The following GALNT8 variants were observed in gnomAD, a reference collection of about 807,000 sequenced individuals.
The protein encoded by GALNT8 is polypeptide N-acetylgalactosaminyltransferase 8, also known as probable polypeptide N-acetylgalactosaminyltransferase 8.
In GALNT8, 66 loss-of-function variants were observed where a neutral mutation model predicts 62.7. That is an observed-to-expected ratio of 1.05 (90% CI 0.86 to 1.29). GALNT8 has a LOEUF of 1.29. Ranked by LOEUF, GALNT8 falls within the 50% of genes most tolerant of loss-of-function variation. GALNT8 has a pLI of 0.00. For synonymous variants in GALNT8, 288 were observed against 294.3 expected, an observed-to-expected ratio of 0.98 and a Z score of 0.22; for missense variants, 771 against 791.8, an observed-to-expected ratio of 0.97 and a Z score of 0.32.
chr12:4,772,254 A>T (rs761386392), intron 10 of GALNT8, among the ~76,000 whole-genome samples, 191 bp from the exon 11 acceptor site: 1 of 152,210 alleles, frequency 6.6e-6, no homozygotes, highest in Non-Finnish European at 1.5e-5. Flanking sequence ...TCAGTTTGCC[A>T]TGGGGCTGGT....
At chr12:4,772,224 G>A (rs1317596919) in intron 10 of GALNT8, among the ~76,000 whole-genome samples, 1 of 152,222 alleles carries the variant, frequency 6.6e-6, no homozygotes, top group African/African-American at 2.4e-5. Flanking sequence ...CACGAAGCCA[G>A]CGCAACATCG....
chr12:4,721,010 T>G lies in GALNT8; in HGVS notation c.211+122T>G, dbSNP rs1376515903. 3.3e-5 allele frequency: 22 copies of G among 657,738 alleles called. 1 individual carries two copies. The Admixed American group carries it at 4.0e-4, about 12-fold the overall frequency. The allele number at this position is 657,738 out of a possible 1,614,324, so 40.7% of individuals were successfully genotyped here. ...TCACATTTTCATCTCAGTCGCTCAT[T>G]GAAGCATCTGACACTGAATTCTGTG... On this transcript the variant is annotated intron_variant, in intron 1 of 10. Coordinates refer to ENST00000252318, the MANE Select transcript of GALNT8 (RefSeq NM_017417.2).
intron 3 of GALNT8, among the ~76,000 whole-genome samples, chr12:4,743,541 G>T (rs766184970): frequency 1.3e-5 from 2 of 152,146 alleles, no homozygotes; most frequent in Non-Finnish European, 2.9e-5. Flanking sequence ...CCTTGGCTAT[G>T]GGGAGAGAGG....
rs780714618 is a variant in GALNT8, at chr12:4,746,169, GC to G, written c.1085del (p.Ala362ValfsTer29). On this transcript the variant is annotated frameshift_variant, in exon 6 of 11. Transcript: ENST00000252318. LOFTEE classifies it high-confidence loss of function. The part of the protein sequence containing the change: ...VKSPSIMGIL[A>X]ANRHFLGEIG... The stretch of plus-strand genomic sequence containing the variant: ...GAGTCCTTCAATCATGGGCATCCTG[GC>G]TGCTAACAGGCACTTCCTGGGAGAG... 1 of 1,611,566 alleles carries G rather than the reference GC, an allele frequency of 6.2e-7. No individual in the cohort carries two copies. The highest frequency in any genetic ancestry group is 1.1e-5 in the South Asian group (1 of 91,012).
rs915272184 is a variant in GALNT8 at position 4,726,315 on chromosome 12, G to A, written c.212-217G>A. ...TGTGGGATGGAGGAGTTTTGATGGG[G>A]CTAAAGGGAGAGACGTATCTAGTAC... On this transcript the variant is annotated intron_variant, in intron 1 of 10. Coordinates refer to ENST00000252318, the MANE Select transcript of GALNT8 (RefSeq NM_017417.2). The surrounding 1 kb of genome is among the most constrained non-coding windows in gnomAD (Gnocchi z 4.1). 6.6e-6 allele frequency among the ~76,000 whole-genome samples: 1 copy of A among 152,164 alleles called. No homozygotes were observed. Among genetic ancestry groups the A allele is most frequent in the Non-Finnish European group, 1.5e-5 (1 of 68,034 alleles).
Position 4,739,195 on chromosome 12 carries a change from C to A in GALNT8, c.542C>A (p.Pro181Gln). The A allele has an allele frequency of 6.2e-7, 1 of 1,612,436 alleles. No individual in the cohort carries two copies. Among genetic ancestry groups the A allele is most frequent in the Non-Finnish European group, 8.5e-7 (1 of 1,178,620 alleles). ...CGGAAGACATATCCTTCCCAACTCC[C>A]ATCCCTCAGTGTCATTCTCATATTC... ...CLRKTYPSQL[P>Q]SLSVILIFVN... The change falls in exon 3 of 11, where the codon CCA (proline) becomes CAA (glutamine). Residue 181 changes from proline (P) to glutamine (Q), a missense_variant. By Grantham distance (76) the Pro-to-Gln change is moderately conservative. Coordinates refer to ENST00000252318, the MANE Select transcript of GALNT8 (RefSeq NM_017417.2).
rs1946293826 is a variant in GALNT8 at position 4,745,484 on chromosome 12, G to A, written c.916G>A (p.Val306Met). 2 of 1,613,192 alleles carry A rather than the reference G, an allele frequency of 1.2e-6. No homozygotes were observed. Among genetic ancestry groups the A allele is most frequent in the Non-Finnish European group, 1.7e-6 (2 of 1,179,138 alleles). ...GGACCGCACTGTGATTGTGTCTCCT[G>A]TGTTTGACAACATTCGTTTTGACAC... ...QEDRTVIVSP[V>M]FDNIRFDTFK... Residue 306 changes from valine (V) to methionine (M), a missense_variant, in exon 5 of 11, where the codon GTG becomes ATG. Coordinates refer to ENST00000252318, the MANE Select transcript of GALNT8 (RefSeq NM_017417.2).
intron 6 of GALNT8, among the ~76,000 whole-genome samples, chr12:4,751,766 A>G (rs1946323186): frequency 2.0e-5 from 3 of 152,280 alleles, no homozygotes; most frequent in South Asian, 2.1e-4. Context: ...TATTAGATAC[A>G]CTTTGTCTAT....
intron 9 of GALNT8, among the ~76,000 whole-genome samples, chr12:4,764,962 A>G (rs1946392262): frequency 1.3e-5 from 2 of 151,786 alleles, no homozygotes; most frequent in South Asian, 2.1e-4. Flanking sequence ...ATTTGCACTT[A>G]GTTGAAAAAA....
chr12:4,725,351 G>A (rs1427130559), intron 1 of GALNT8, among the ~76,000 whole-genome samples: 2 of 152,120 alleles, frequency 1.3e-5, no homozygotes, highest in Non-Finnish European at 2.9e-5. Flanking sequence ...GGCATCTTCT[G>A]CATAAAACAT....
intron 6 of GALNT8, among the ~76,000 whole-genome samples, chr12:4,758,773 A>G (rs1435308361): frequency 7.8e-6 from 1 of 129,006 alleles, no homozygotes; most frequent in Non-Finnish European, 1.7e-5. Context: ...CATAAACGGC[A>G]ATCTTTTTTT....
intron 5 of GALNT8, 58 bp from the exon 6 acceptor site, chr12:4,746,086 C>A: frequency 1.0e-6 from 1 of 959,712 alleles, no homozygotes; most frequent in Non-Finnish European, 1.7e-6. Context: ...TTGAGCATCC[C>A]ACCCCTCGCC....
chr12:4,765,357 T>C (rs1022890562), intron 9 of GALNT8, 22 bp from the exon 10 acceptor site: 5 of 1,227,616 alleles, frequency 4.1e-6, no homozygotes, highest in Admixed American at 3.3e-5. Context: ...CTCTGCTTTT[T>C]TTTTTTTTTT....
chr12:4,745,311 C>G (rs770790262), intron 4 of GALNT8, 118 bp from the exon 5 acceptor site: 5 of 696,294 alleles, frequency 7.2e-6, no homozygotes, highest in Admixed American at 2.0e-5. Context: ...CAACCCAGTA[C>G]AGCCTAAATG....
At chr12:4,769,924 G>A (rs1039408056) in intron 10 of GALNT8, among the ~76,000 whole-genome samples, 8 of 151,982 alleles carry the variant, frequency 5.3e-5, no homozygotes, top group African/African-American at 1.9e-4. Flanking sequence ...TAAAAAAGAA[G>A]CATCTATTAC....
intron 3 of GALNT8, among the ~76,000 whole-genome samples, chr12:4,739,971 G>A (rs1384432016): frequency 6.6e-6 from 1 of 152,030 alleles, no homozygotes; most frequent in African/African-American, 2.4e-5. Flanking sequence ...CCGGCCACCT[G>A]TGCCCCTCTT....
At chr12:4,756,154 A>T (rs958660935) in intron 6 of GALNT8, among the ~76,000 whole-genome samples, 1 of 152,274 alleles carries the variant, frequency 6.6e-6, no homozygotes, top group African/African-American at 2.4e-5. Context: ...TCATTTCCAC[A>T]GTATCTCTTT....
chr12:4,736,390 C>T (rs1468766129), intron 2 of GALNT8, among the ~76,000 whole-genome samples: 1 of 152,002 alleles, frequency 6.6e-6, no homozygotes, highest in African/African-American at 2.4e-5. Flanking sequence ...TCAGGAGTTA[C>T]CACAGAGAAG....
At chr12:4,747,346 AC>A (rs1565386154) in intron 6 of GALNT8, among the ~76,000 whole-genome samples, 1 of 152,090 alleles carries the variant, frequency 6.6e-6, no homozygotes. Context: ...TTATTTTTGT[AC>A]CCATTAACCA....
Sources: allele counts gnomAD v4.1 joint callset (sites outside exome capture counted in the v4.1 genomes callset), GRCh38; gene constraint gnomAD v4.1.1; non-coding constraint Gnocchi (gnomAD v3.1); transcripts MANE v1.5; gene names NCBI Gene and HGNC (gene_info 2026-07-23, HGNC 2026-07-21).